Variants in C13orf42 observed in about 807,000 individuals in gnomAD.
C13orf42 encodes chromosome 13 open reading frame 42.
intron 1 of C13orf42, among the ~76,000 whole-genome samples, chr13:51,100,418 TGTAA>T (rs1169234236): frequency 2.6e-5 from 4 of 152,128 alleles, no homozygotes; most frequent in East Asian, 1.9e-4. Flanking sequence ...CAAAAATCCC[TGTAA>T]GTAACAAAAT....
At chr13:51,139,174 G>A (rs1375060311) in intron 1 of C13orf42, among the ~76,000 whole-genome samples, 3 of 152,080 alleles carry the variant, frequency 2.0e-5, no homozygotes, top group Non-Finnish European at 4.4e-5. Context: ...AATTAGCTGG[G>A]CATGGTGGCG....
chr13:51,124,912 T>C (rs918289087), intron 1 of C13orf42, among the ~76,000 whole-genome samples: 7 of 152,174 alleles, frequency 4.6e-5, no homozygotes, highest in African/African-American at 1.4e-4. Context: ...GTGGCTTTAA[T>C]GCAGGGTCTT....
At chr13:51,165,743 T>C (rs1953897949) in intron 1 of C13orf42, among the ~76,000 whole-genome samples, 1 of 152,176 alleles carries the variant, frequency 6.6e-6, no homozygotes, top group Non-Finnish European at 1.5e-5. Flanking sequence ...GGTGGGATGC[T>C]GATGGAATGT....
intron 1 of C13orf42, among the ~76,000 whole-genome samples, chr13:51,124,631 C>T (rs1953561745): frequency 6.6e-6 from 1 of 152,170 alleles, no homozygotes; most frequent in Non-Finnish European, 1.5e-5. Flanking sequence ...GGCAATCCTC[C>T]TCAGGTCATG....
rs574248769 is a variant in C13orf42, at chr13:51,157,303, G to A, written n.136+14950C>T. ...ACAAAAATTAGCTGAGCGCAGTGGT[G>A]TGCACGTGTAGTCCCAGCTACTCTG... On this transcript the variant is annotated intron_variant and non_coding_transcript_variant, in intron 1 of 4. Transcript: ENST00000433280. Among the ~76,000 whole-genome samples the A allele has an allele frequency of 2.6e-5, 4 of 152,268 alleles. No homozygotes were observed. The East Asian group carries it at 7.7e-4, about 29-fold the overall frequency.
At chr13:51,141,095 G>GGCGTGTGT (rs1555268146) in intron 1 of C13orf42, among the ~76,000 whole-genome samples, 2 of 128,498 alleles carry the variant, frequency 1.6e-5, no homozygotes, top group African/African-American at 5.9e-5. Context: ...ATCGAAGGGA[G>GGCGTGTGT]GTGTGTGTGT....
At chr13:51,086,327 C>CCA (rs1555264922) in intron 2 of C13orf42, among the ~76,000 whole-genome samples, 19 of 125,592 alleles carry the variant, frequency 1.5e-4, no homozygotes, top group African/African-American at 4.3e-4. Context: ...CAAAAAAAAA[C>CCA]AAAAAAAAAA....
At chr13:51,125,134 T>G in intron 1 of C13orf42, among the ~76,000 whole-genome samples, 1 of 152,162 alleles carries the variant, frequency 6.6e-6, no homozygotes, top group Non-Finnish European at 1.5e-5. Flanking sequence ...CTCCATTCAT[T>G]AACAGCCTCT....
At chr13:51,152,928 C>T (rs762595019) in intron 1 of C13orf42, among the ~76,000 whole-genome samples, 17 of 152,048 alleles carry the variant, frequency 1.1e-4, no homozygotes, top group African/African-American at 3.4e-4. Context: ...GCGTCATGTT[C>T]GCGGGCACCC....
chr13:51,146,019 C>G (rs1953732224), intron 1 of C13orf42, among the ~76,000 whole-genome samples: 1 of 151,926 alleles, frequency 6.6e-6, no homozygotes, highest in Non-Finnish European at 1.5e-5. Context: ...TCATAGAAGA[C>G]AAGACAAATA....
At chr13:51,162,727 G>A (rs189300348) in intron 1 of C13orf42, among the ~76,000 whole-genome samples, 4 of 152,294 alleles carry the variant, frequency 2.6e-5, no homozygotes, top group Admixed American at 1.3e-4. Flanking sequence ...ACTGGGCTGT[G>A]AGCAAGCCGA....
chr13:51,140,915 G>A (rs1019269784), intron 1 of C13orf42, among the ~76,000 whole-genome samples: 46 of 151,982 alleles, frequency 3.0e-4, no homozygotes, highest in Admixed American at 2.1e-3. Flanking sequence ...CAACCAGCTC[G>A]TGTTCATTTC....
intron 1 of C13orf42, among the ~76,000 whole-genome samples, chr13:51,094,296 ACTTCTAGG>A (rs1953210548): frequency 6.6e-6 from 1 of 152,190 alleles, no homozygotes; most frequent in African/African-American, 2.4e-5. Context: ...GGTTGTCATT[ACTTCTAGG>A]CCTTTTCAGT....
intron 1 of C13orf42, among the ~76,000 whole-genome samples, chr13:51,151,731 C>G (rs572093746): frequency 6.6e-6 from 1 of 152,356 alleles, no homozygotes; most frequent in South Asian, 2.1e-4. Flanking sequence ...TGAGGGAGCA[C>G]TGAGCTGATG....
chr13:51,084,796 G>T (rs1485990338), intron 3 of C13orf42, among the ~76,000 whole-genome samples: 1 of 152,214 alleles, frequency 6.6e-6, no homozygotes, highest in Non-Finnish European at 1.5e-5. Flanking sequence ...TGGTAACTAG[G>T]CCTGGGGGAG....
upstream of C13orf42, among the ~76,000 whole-genome samples, chr13:51,115,451 G>A (rs1369175685): frequency 2.0e-5 from 3 of 152,256 alleles, no homozygotes; most frequent in African/African-American, 7.2e-5. Context: ...ACGTTGCCTC[G>A]TATCATGGTG....
At chr13:51,152,864 T>G (rs953954283) in intron 1 of C13orf42, among the ~76,000 whole-genome samples, 2 of 152,168 alleles carry the variant, frequency 1.3e-5, no homozygotes, top group African/African-American at 2.4e-5. Flanking sequence ...TCCAGCCTCT[T>G]TGCTATGCTC....
upstream of C13orf42, among the ~76,000 whole-genome samples, chr13:51,113,817 T>C (rs374440050): frequency 5.9e-5 from 9 of 152,274 alleles, no homozygotes; most frequent in African/African-American, 2.2e-4. Context: ...CATTGTGGAA[T>C]GCGGACAAAC....
intron 1 of C13orf42, among the ~76,000 whole-genome samples, chr13:51,136,571 A>G (rs1253602448): frequency 6.6e-6 from 1 of 152,204 alleles, no homozygotes; most frequent in Non-Finnish European, 1.5e-5. Flanking sequence ...CCACCTCACT[A>G]TAAAGCAGGT....
Sources: gnomAD v4.1 joint callset for allele counts (sites outside exome capture counted in the v4.1 genomes callset) on GRCh38, gnomAD v4.1.1 for gene constraint, MANE v1.5 for transcripts, NCBI Gene and HGNC (gene_info 2026-07-23, HGNC 2026-07-21) for gene names.